Variants in TCF12 observed in about 807,000 individuals in gnomAD.
TCF12 encodes the protein DNA-binding protein HTF4.
Under a neutral mutation model 86.0 loss-of-function variants are expected in TCF12, and 45 were observed. That is an observed-to-expected ratio of 0.52 (90% CI 0.41 to 0.67). TCF12 has a LOEUF of 0.67. TCF12 is among the 30% of genes least tolerant of loss of function. The probability of loss-of-function intolerance (pLI) is 0.00; values close to 1 mark genes in which losing one functional copy is unlikely to be tolerated. For synonymous variants in TCF12, 330 were observed against 299.6 expected (o/e 1.10, Z -1.05); for missense variants, 881 against 859.9 (o/e 1.02, Z -0.31).
intron 4 of TCF12, among the ~76,000 whole-genome samples, chr15:57,079,542 A>G (rs1441454158): frequency 2.6e-5 from 4 of 152,190 alleles, no homozygotes; most frequent in Non-Finnish European, 5.9e-5. Context: ...GATTAGATCA[A>G]TTGACGTAAG....
chr15:57,259,244 A>T (rs1424466683), intron 16 of TCF12, among the ~76,000 whole-genome samples: 12 of 152,248 alleles, frequency 7.9e-5, no homozygotes, highest in African/African-American at 2.9e-4. Flanking sequence ...TAACAAATGT[A>T]ATACTACCAA....
chr15:57,039,671 T>G (rs1439914598), intron 3 of TCF12, among the ~76,000 whole-genome samples: 8 of 152,214 alleles, frequency 5.3e-5, no homozygotes, highest in African/African-American at 1.7e-4. Flanking sequence ...AAATAAACTT[T>G]GTTTCCTGTC....
intron 5 of TCF12, among the ~76,000 whole-genome samples, chr15:57,103,436 C>T (rs1257166212): frequency 6.6e-6 from 1 of 152,126 alleles, no homozygotes; most frequent in Non-Finnish European, 1.5e-5. Flanking sequence ...AAACATTAGC[C>T]AGATGCAGTG....
chr15:57,062,837 G>A (rs1178231281), intron 3 of TCF12, among the ~76,000 whole-genome samples: 2 of 152,292 alleles, frequency 1.3e-5, no homozygotes, highest in African/African-American at 2.4e-5. Context: ...AACTATTTCT[G>A]TGTTGATGAA....
intron 3 of TCF12, among the ~76,000 whole-genome samples, chr15:57,006,735 A>G (rs1353925569): frequency 6.8e-6 from 1 of 146,780 alleles, no homozygotes; most frequent in Non-Finnish European, 1.5e-5. Context: ...TGGCCAACAC[A>G]GCGAAACCCC....
intron 3 of TCF12, among the ~76,000 whole-genome samples, chr15:57,007,820 T>TTCTCTC (rs1171519451): frequency 9.7e-5 from 12 of 123,336 alleles, no homozygotes; most frequent in African/African-American, 3.6e-4. Flanking sequence ...CTTTCTTTCT[T>TTCTCTC]TTTCTTTCTT....
chr15:57,236,361 A>G (rs767523925), intron 12 of TCF12, among the ~76,000 whole-genome samples: 45 of 152,198 alleles, frequency 3.0e-4, no homozygotes, highest in Non-Finnish European at 5.9e-4. Context: ...ATTAGAAGAG[A>G]TGAGGAGAAG....
At chr15:56,926,232 G>C (rs1159455260) in intron 3 of TCF12, among the ~76,000 whole-genome samples, 1 of 151,460 alleles carries the variant, frequency 6.6e-6, no homozygotes, top group African/African-American at 2.4e-5. Context: ...AGAATTGCTT[G>C]AACCCAGGAG....
At chr15:57,184,301 C>T (rs910332638) in intron 6 of TCF12, among the ~76,000 whole-genome samples, 1 of 152,094 alleles carries the variant, frequency 6.6e-6, no homozygotes, top group African/African-American at 2.4e-5. Context: ...GACTGTTTTT[C>T]AAGAAAAGTA....
chr15:57,002,234 G>A (rs932663751), intron 3 of TCF12, among the ~76,000 whole-genome samples: 3 of 151,986 alleles, frequency 2.0e-5, no homozygotes, highest in African/African-American at 7.3e-5. Context: ...AGTTGTTGGG[G>A]GTATAGTTAC....
chr15:57,027,913 A>G (rs568936441), intron 3 of TCF12, among the ~76,000 whole-genome samples: 19 of 151,870 alleles, frequency 1.3e-4, no homozygotes, highest in African/African-American at 4.1e-4. Context: ...TTCTGCCATG[A>G]TTGTGACACC....
rs1055151928 is a variant in TCF12, at chr15:56,994,575, A to G, written c.149-69175A>G. Among the ~76,000 whole-genome samples, 3 of 152,272 alleles carry G rather than the reference A, an allele frequency of 2.0e-5. No homozygotes were observed. The South Asian group carries it at 6.2e-4, about 32-fold the overall frequency. On this transcript the variant is annotated intron_variant, in intron 3 of 20. Coordinates refer to ENST00000333725, the MANE Select transcript of TCF12 (RefSeq NM_207037.2). ...GAAAAAAACTATTGAAAGCAGCCAG[A>G]GGAAAATGACATTGCTCCTTGGGGG...
chr15:57,071,912 C>T (rs28422021), intron 4 of TCF12, among the ~76,000 whole-genome samples: 37,365 of 151,822 alleles, frequency 0.25, 5,417 homozygotes, highest in East Asian at 0.4. Context: ...TTACAAAATT[C>T]GGTAGATAAT....
intron 3 of TCF12, among the ~76,000 whole-genome samples, chr15:56,941,390 G>A (rs1448046920): frequency 5.7e-4 from 63 of 109,902 alleles, no homozygotes; most frequent in African/African-American, 1.8e-3. Flanking sequence ...TTTTTTTTTT[G>A]AGATGGAGTT....
chr15:57,059,461 C>T (rs923529809), intron 3 of TCF12, among the ~76,000 whole-genome samples: 4 of 152,118 alleles, frequency 2.6e-5, no homozygotes, highest in Admixed American at 6.5e-5. Context: ...TCATCAGACT[C>T]ACCACTACTA....
In TCF12 at chr15:56,970,496, A is replaced by C. The variant is rs1215986171; in HGVS notation, c.148+49398A>C. Among the ~76,000 whole-genome samples the C allele has an allele frequency of 4.6e-5, 7 of 151,460 alleles. No homozygotes were observed. In the East Asian group the frequency reaches 7.7e-4, roughly 17 times the overall value. On this transcript the variant is annotated intron_variant, in intron 3 of 20. Coordinates refer to ENST00000333725, the MANE Select transcript of TCF12 (RefSeq NM_207037.2). ...CTCCATCTCAAAAAAAAAAAAAAAA[A>C]AAAAAACAAGATTACTATCTTTGGC...
At chr15:57,171,869 C>A (rs2055528388) in intron 6 of TCF12, among the ~76,000 whole-genome samples, 1 of 152,142 alleles carries the variant, frequency 6.6e-6, no homozygotes, top group Admixed American at 6.5e-5. Flanking sequence ...ATCCTTTTAT[C>A]AGTATAACAA....
At chr15:57,281,126 C>G (rs2061667049) in intron 19 of TCF12, among the ~76,000 whole-genome samples, 1 of 125,720 alleles carries the variant, frequency 8.0e-6, no homozygotes, top group African/African-American at 2.8e-5. Flanking sequence ...TTTTTTGAGA[C>G]AGGGTCTTGC....
chr15:57,069,182 T>G (rs2069157426), intron 4 of TCF12, among the ~76,000 whole-genome samples: 2 of 152,154 alleles, frequency 1.3e-5, no homozygotes, highest in Admixed American at 6.5e-5. Flanking sequence ...TGATACTCTT[T>G]TCTAAGATAC....
Sources: gnomAD v4.1 joint callset for allele counts (sites outside exome capture counted in the v4.1 genomes callset) on GRCh38, gnomAD v4.1.1 for gene constraint, MANE v1.5 for transcripts, NCBI Gene and HGNC (gene_info 2026-07-23, HGNC 2026-07-21) for gene names.